The following OSBPL10 variants were observed in gnomAD, a reference collection of about 807,000 sequenced individuals.
The protein encoded by OSBPL10 is oxysterol-binding protein-related protein 10.
In OSBPL10, 49 loss-of-function variants were observed where a neutral mutation model predicts 81.7. That is an observed-to-expected ratio of 0.60 (90% CI 0.48 to 0.76). The LOEUF (loss-of-function observed/expected upper bound fraction) is 0.76, where lower values mean the gene tolerates loss of function less well. OSBPL10 is among the 30% of genes least tolerant of loss of function. The pLI, the probability that OSBPL10 is intolerant of heterozygous loss-of-function variation, is 0.00. For synonymous variants in OSBPL10, 419 were observed against 383.6 expected (o/e 1.09, Z -1.08); for missense variants, 923 against 987.8 (o/e 0.93, Z 0.88).
intron 4 of OSBPL10, among the ~76,000 whole-genome samples, chr3:31,826,266 T>G (rs1223451728): frequency 6.6e-6 from 1 of 152,190 alleles, no homozygotes; most frequent in East Asian, 1.9e-4. Flanking sequence ...CCACCAATAA[T>G]GGGCTAGAAT....
chr3:31,860,991 G>A (rs1008612014), intron 3 of OSBPL10, among the ~76,000 whole-genome samples: 1 of 151,588 alleles, frequency 6.6e-6, no homozygotes, highest in Non-Finnish European at 1.5e-5. Flanking sequence ...GATTACAGTT[G>A]TGAACCACAC....
At chr3:31,767,196 T>G (rs1698227171) in intron 4 of OSBPL10, among the ~76,000 whole-genome samples, 1 of 152,200 alleles carries the variant, frequency 6.6e-6, no homozygotes, top group Non-Finnish European at 1.5e-5. Flanking sequence ...ATTCTCTCTT[T>G]CAAGAGCCCT....
At chr3:31,973,077 C>A (rs1165376067) in intron 1 of OSBPL10, among the ~76,000 whole-genome samples, 2 of 152,266 alleles carry the variant, frequency 1.3e-5, no homozygotes, top group East Asian at 3.9e-4. Flanking sequence ...CTTGGCCTGG[C>A]CCCAAATCGC....
At chr3:31,816,345 G>A (rs1453774571) in intron 4 of OSBPL10, among the ~76,000 whole-genome samples, 2 of 152,110 alleles carry the variant, frequency 1.3e-5, no homozygotes, top group African/African-American at 2.4e-5. Flanking sequence ...CATCCACTAC[G>A]TCAGAGACAA....
intron 6 of OSBPL10, chr3:31,721,567 G>A (rs1234878796): frequency 6.6e-6 from 1 of 152,200 alleles, no homozygotes; most frequent in African/African-American, 2.4e-5. Flanking sequence ...TTAGCTCTAT[G>A]TGGAGAAGCC....
intron 1 of OSBPL10, among the ~76,000 whole-genome samples, chr3:31,940,826 G>A (rs1401952609): frequency 6.6e-6 from 1 of 152,112 alleles, no homozygotes; most frequent in East Asian, 1.9e-4. Flanking sequence ...TTTTAGTAGA[G>A]ACGGGGTTTC....
intron 1 of OSBPL10, among the ~76,000 whole-genome samples, chr3:31,927,079 C>A (rs1183618409): frequency 6.6e-6 from 1 of 152,140 alleles, no homozygotes; most frequent in Non-Finnish European, 1.5e-5. Context: ...TCACTGCACT[C>A]CAGCCTGGGT....
chr3:32,011,108 C>A (rs539066693), intron 2 of OSBPL10, among the ~76,000 whole-genome samples: 1 of 152,152 alleles, frequency 6.6e-6, no homozygotes, highest in Non-Finnish European at 1.5e-5. Context: ...TCTCCCAGCA[C>A]GCAGCTTGAG....
intron 1 of OSBPL10, among the ~76,000 whole-genome samples, chr3:31,900,709 C>T (rs528604697): frequency 2.8e-4 from 43 of 152,314 alleles, no homozygotes; most frequent in African/African-American, 9.1e-4. Flanking sequence ...ATTCAATTAA[C>T]TCTTTGGATG....
At chr3:31,872,443 TTTG>T (rs1180701374) in intron 3 of OSBPL10, among the ~76,000 whole-genome samples, 1 of 143,292 alleles carries the variant, frequency 7.0e-6, no homozygotes, top group Admixed American at 6.9e-5. Flanking sequence ...GTGTTTTGTT[TTTG>T]TTGTTGTTTT....
At chr3:31,816,291 G>A (rs1470217718) in intron 4 of OSBPL10, among the ~76,000 whole-genome samples, 1 of 152,148 alleles carries the variant, frequency 6.6e-6, no homozygotes, top group Non-Finnish European at 1.5e-5. Context: ...CAACCGCCTA[G>A]ATCATCAAGG....
chr3:31,807,033 T>C (rs1363135911), intron 4 of OSBPL10, among the ~76,000 whole-genome samples: 8 of 152,186 alleles, frequency 5.3e-5, no homozygotes. Flanking sequence ...ATAGGTACAA[T>C]GGGAATCCAC....
Position 31,664,442 on chromosome 3 carries a change from G to C in OSBPL10, c.2097-210C>G, listed in dbSNP as rs1700142040. ...TCTGTGTTGTTTCTACTCTCCGCTT[G>C]TACCAGGCAGCATGCCTTTCTCAGG... On this transcript the variant is annotated intron_variant, in intron 10 of 11. Transcript: ENST00000396556. The C allele has an allele frequency of 6.7e-6, 4 of 596,698 alleles. No individual in the cohort carries two copies. The Admixed American group carries it at 1.2e-4, about 18-fold the overall frequency. 37.0% of individuals were successfully genotyped at this position (596,698 alleles called of 1,614,324 possible).
chr3:31,733,196 C>T, intron 6 of OSBPL10, 61 bp downstream of exon 6: 1 of 1,556,140 alleles, frequency 6.4e-7, no homozygotes, highest in Non-Finnish European at 8.7e-7. Context: ...AATATAATTA[C>T]TATATTTCTG....
chr3:31,833,280 C>G (rs891519156), intron 3 of OSBPL10, among the ~76,000 whole-genome samples: 1 of 152,094 alleles, frequency 6.6e-6, no homozygotes, highest in Admixed American at 6.5e-5. Context: ...ACACCTCTAT[C>G]CCCCCACTCC....
At chr3:32,010,259 C>G (rs1403727021) in intron 2 of OSBPL10, among the ~76,000 whole-genome samples, 3 of 151,990 alleles carry the variant, frequency 2.0e-5, no homozygotes, top group African/African-American at 7.3e-5. Flanking sequence ...CAGGAGAAAC[C>G]AAGACTGCCA....
intron 3 of OSBPL10, among the ~76,000 whole-genome samples, chr3:31,867,854 A>G (rs1701220434): frequency 6.6e-6 from 1 of 152,186 alleles, no homozygotes; most frequent in Non-Finnish European, 1.5e-5. Flanking sequence ...GACTGGAAGG[A>G]AGATAAAACA....
intron 8 of OSBPL10, among the ~76,000 whole-genome samples, chr3:31,672,763 G>GT (rs1700358739): frequency 6.6e-6 from 1 of 152,028 alleles, no homozygotes; most frequent in Non-Finnish European, 1.5e-5. Context: ...TGACATGCTA[G>GT]TATGTGATTA....
chr3:32,005,275 C>G (rs780611230), intron 2 of OSBPL10, among the ~76,000 whole-genome samples: 2 of 152,256 alleles, frequency 1.3e-5, no homozygotes, highest in African/African-American at 2.4e-5. Flanking sequence ...ATGATGCACA[C>G]GCACATCTAG....
Sources: gnomAD v4.1 joint callset for allele counts (sites outside exome capture counted in the v4.1 genomes callset) on GRCh38, gnomAD v4.1.1 for gene constraint, MANE v1.5 for transcripts, NCBI Gene and HGNC (gene_info 2026-07-23, HGNC 2026-07-21) for gene names.